LTBP3: variants seen among roughly 807,000 people sequenced by gnomAD.
The protein encoded by LTBP3 is latent transforming growth factor beta binding protein 3, also known as latent-transforming growth factor beta-binding protein 3.
LTBP3 carries 97 observed loss-of-function variants against 159.7 expected under a neutral mutation model. The ratio of observed to expected loss-of-function variants is 0.61; its 90% CI spans 0.52 to 0.72. The LOEUF (loss-of-function observed/expected upper bound fraction) is 0.72. LTBP3 is among the 30% of genes least tolerant of loss of function. LTBP3 has a pLI of 0.00. For missense variants in LTBP3, 1,584 were observed against 1,864.3 expected (o/e 0.85, Z 2.77); for synonymous variants, 824 against 777.1 (o/e 1.06, Z -1.00).
At position 65,558,275 on chromosome 11, in the gene LTBP3, C is replaced by T. The variant is rs1344060275; in HGVS notation, c.-316G>A. The T allele has an allele frequency of 1.0e-6, 1 of 962,080 alleles. No individual in the cohort carries two copies. Among genetic ancestry groups the T allele is most frequent in the East Asian group, 5.8e-5 (1 of 17,200 alleles). 59.6% of individuals were successfully genotyped at this position (962,080 alleles called of 1,614,324 possible). A position where few individuals can be genotyped will look rare whatever the true frequency, so the allele number is the denominator to read the frequency against. On this transcript the variant is annotated 5_prime_UTR_variant, in exon 1 of 28. Transcript: ENST00000301873. The stretch of plus-strand genomic sequence containing the variant: ...AGGGAGAGGAAGGCCGGGCGGCCGG[C>T]CCGCTCCGCGCCTCCCCCTGGCCGG...
At position 65,538,589 on chromosome 11, in the gene LTBP3, G is replaced by A; in HGVS notation, c.*491C>T. 1 of 1,602,992 alleles carries A rather than the reference G, an allele frequency of 6.2e-7. No homozygotes were observed. The highest frequency in any genetic ancestry group is 8.5e-7 in the Non-Finnish European group (1 of 1,175,080). On this transcript the variant is annotated 3_prime_UTR_variant, in exon 28 of 28. Transcript: ENST00000301873. ...TGAACCGTGGCGGTGGCCCTTCCCGGCTGCGGAGAGCCCGCCCCACAGATG... is the reference window on the plus strand; with the variant it reads ...TGAACCGTGGCGGTGGCCCTTCCCGACTGCGGAGAGCCCGCCCCACAGATG...
At chr11:65,541,099 T>A in intron 20 of LTBP3, 27 bp downstream of exon 20, 1 of 1,606,428 alleles carries the variant, frequency 6.2e-7, no homozygotes, top group Non-Finnish European at 8.5e-7. Context: ...ACTGAAGATC[T>A]GGGAAGGGGC....
At position 65,539,218 on chromosome 11, in the gene LTBP3, G is replaced by A. The variant is rs1335085112; in HGVS notation, c.3774C>T (p.Cys1258=). 39 of 1,526,588 alleles carry A rather than the reference G, an allele frequency of 2.6e-5. No individual in the cohort carries two copies. The highest frequency in any genetic ancestry group is 9.8e-5 in the African/African-American group (7 of 71,378). The allele number at this position is 1,526,588 out of a possible 1,614,324, so 94.6% of individuals were successfully genotyped here. A position where few individuals can be genotyped will look rare whatever the true frequency, so the allele number is the denominator to read the frequency against. ...GCAGCCCGCGCTGGTTCAGCTCTCGGCACTCGTCGATATCTGAAGGTGAGG... is the reference window on the plus strand; with the variant it reads ...GCAGCCCGCGCTGGTTCAGCTCTCGACACTCGTCGATATCTGAAGGTGAGG... The part of the protein sequence containing the change: ...SRARCVDIDE[C]RELNQRGLLC... The change falls in exon 28 of 28, where the codon TGC becomes TGT. Residue 1258 remains cysteine, a synonymous_variant. Coordinates refer to ENST00000301873, the MANE Select transcript of LTBP3 (RefSeq NM_001130144.3).
chr11:65,548,755 T>G (rs998525107), intron 11 of LTBP3: 1 of 154,882 alleles, frequency 6.5e-6, no homozygotes, highest in Non-Finnish European at 1.4e-5. Flanking sequence ...TGAACTCTGC[T>G]CTGCCCCAAA....
At chr11:65,542,021 G>GC (rs1444162806) in intron 18 of LTBP3, 1 of 396,812 alleles carries the variant, frequency 2.5e-6, no homozygotes, top group African/African-American at 2.1e-5. Flanking sequence ...GTCTCATCAC[G>GC]CCTTACTCTA....
Position 65,546,719 on chromosome 11 carries a change from C to A in LTBP3, c.2230+79G>T. 1 of 1,530,618 alleles carries A rather than the reference C, an allele frequency of 6.5e-7. No homozygotes were observed. The highest frequency in any genetic ancestry group is 8.8e-7 in the Non-Finnish European group (1 of 1,138,144). The allele number at this position is 1,530,618 out of a possible 1,614,324, so 94.8% of individuals were successfully genotyped here. On this transcript the variant is annotated intron_variant, in intron 15 of 27. Coordinates refer to ENST00000301873, the MANE Select transcript of LTBP3 (RefSeq NM_001130144.3). This position sits in a 1 kb window ranked among gnomAD's most constrained non-coding sequence, Gnocchi z 4.0. ...CCCAGACGCCAATCACCACCGCTAC[C>A]CCGCCCCGCCCCCAGCGGAGCCAGA...
In LTBP3 at chr11:65,553,599, T is replaced by C; in HGVS notation, c.865-69A>G. 6.7e-7 allele frequency: 1 copy of C among 1,498,950 alleles called. No homozygotes were observed. Among genetic ancestry groups the C allele is most frequent in the Non-Finnish European group, 9.1e-7 (1 of 1,095,562 alleles). 92.9% of individuals were successfully genotyped at this position (1,498,950 alleles called of 1,614,324 possible). On this transcript the variant is annotated intron_variant, in intron 3 of 27. Transcript: ENST00000301873. This position sits in a 1 kb window ranked among gnomAD's most constrained non-coding sequence, Gnocchi z 6.5. ...CGGTGCCGCCTGTTAGGGTTGGGCC[T>C]TTTCCTCTTCCCCCGCCCCTCAGTT...
In LTBP3 at chr11:65,547,875, TCCCC is replaced by T. The variant is rs528861640; in HGVS notation, c.1846+41_1846+44del. 3 of 1,610,810 alleles carry T rather than the reference TCCCC, an allele frequency of 1.9e-6. No individual in the cohort carries two copies. Among genetic ancestry groups the T allele is most frequent in the East Asian group, 4.5e-5 (2 of 44,750 alleles). On this transcript the variant is annotated intron_variant, in intron 12 of 27. Transcript: ENST00000301873. This position sits in a 1 kb window ranked among gnomAD's most constrained non-coding sequence, Gnocchi z 4.6. ...TCAAAGGAAGCGTCGTTATCTGGGG[TCCCC>T]CCCCACCCACCTGCATGCCCGCCGC...
intron 8 of LTBP3, 33 bp from the exon 9 acceptor site, chr11:65,551,597 T>TG: frequency 6.2e-7 from 1 of 1,613,602 alleles, no homozygotes; most frequent in Non-Finnish European, 8.5e-7. Context: ...CATGAAGTGT[T>TG]GGGGCGGGAG....
chr11:65,554,144 C>A lies in LTBP3; in HGVS notation c.568G>T (p.Val190Leu). Residue 190 changes from valine (V) to leucine (L), a missense_variant, in exon 2 of 28, where the codon GTG becomes TTG. Val to Leu is a conservative substitution (Grantham distance 32, BLOSUM62 1). Transcript: ENST00000301873. The surrounding 1 kb of genome is among the most constrained non-coding windows in gnomAD (Gnocchi z 5.3). ...ASKHAIYAVQ[V>L]IADPPGPGEG... ...CCGGGCCCAGGAGGGTCAGCGATCA[C>A]CTGGACGGCGTAGATGGCGTGCTTG... 6.2e-7 allele frequency: 1 copy of A among 1,612,052 alleles called. No individual in the cohort carries two copies. Among genetic ancestry groups the A allele is most frequent in the Non-Finnish European group, 8.5e-7 (1 of 1,179,616 alleles).
intron 1 of LTBP3, among the ~76,000 whole-genome samples, chr11:65,555,143 C>T (rs1327470337): frequency 6.6e-6 from 1 of 152,172 alleles, no homozygotes; most frequent in Non-Finnish European, 1.5e-5. Context: ...TCCCCTCCTC[C>T]CTAGGGCCAC....
rs1329998115 is a variant in LTBP3, at chr11:65,538,666, C to T, written c.*414G>A. The T allele has an allele frequency of 3.0e-6, 4 of 1,354,800 alleles. No individual in the cohort carries two copies. The highest frequency in any genetic ancestry group is 2.3e-5 in the Admixed American group (1 of 43,374). The allele number at this position is 1,354,800 out of a possible 1,614,324, so 83.9% of individuals were successfully genotyped here. A position where few individuals can be genotyped will look rare whatever the true frequency, so the allele number is the denominator to read the frequency against. The stretch of plus-strand genomic sequence containing the variant: ...CGGCCGGCCCAGCCAGGCCATCTCA[C>T]GTGTACATAATCAGAGCCACAATAA... On this transcript the variant is annotated 3_prime_UTR_variant, in exon 28 of 28. Coordinates refer to ENST00000301873, the MANE Select transcript of LTBP3 (RefSeq NM_001130144.3).
At position 65,553,832 on chromosome 11, in the gene LTBP3, T is replaced by A; in HGVS notation, c.733A>T (p.Ile245Phe). Reference protein sequence around the residue: ...PPEASVQVHRIESSNAESAAP... With the variant: ...PPEASVQVHRFESSNAESAAP... ...GCGCTCTCGGCGTTCGAGCTCTCAATGCGGTGCACCTGGACTGAGGCCTCG... is the reference window on the plus strand; with the variant it reads ...GCGCTCTCGGCGTTCGAGCTCTCAAAGCGGTGCACCTGGACTGAGGCCTCG... Residue 245 changes from isoleucine (I) to phenylalanine (F), a missense_variant, in exon 3 of 28, where the codon ATT becomes TTT. Physicochemically the swap from Ile to Phe is conservative, Grantham distance 21. Transcript: ENST00000301873. This position sits in a 1 kb window ranked among gnomAD's most constrained non-coding sequence, Gnocchi z 6.5. The A allele has an allele frequency of 6.4e-7, 1 of 1,561,890 alleles. No individual in the cohort carries two copies. The highest frequency in any genetic ancestry group is 8.6e-7 in the Non-Finnish European group (1 of 1,161,592).
intron 8 of LTBP3, 146 bp from the exon 9 acceptor site, chr11:65,551,710 G>A: frequency 1.8e-6 from 2 of 1,096,992 alleles, no homozygotes; most frequent in Admixed American, 1.9e-5. Flanking sequence ...TAGATTCTGG[G>A]GTTAGGGTGT....
Position 65,546,536 on chromosome 11 carries a change from G to C in LTBP3, c.2259C>G (p.Pro753=), listed in dbSNP as rs1466180648. 1 of 1,602,306 alleles carries C rather than the reference G, an allele frequency of 6.2e-7. No individual in the cohort carries two copies. The highest frequency in any genetic ancestry group is 8.5e-7 in the Non-Finnish European group (1 of 1,179,416). ...GGTTCTCGCACCAGCCAGGCGAGCA[G>C]GGGCTGCCCTCGGCGCACTCGTTCA... The part of the protein sequence containing the change: ...RDVNECAEGS[P]CSPGWCENLP... Residue 753 remains proline (P), a synonymous_variant, in exon 16 of 28, where the codon CCC becomes CCG. Coordinates refer to ENST00000301873, the MANE Select transcript of LTBP3 (RefSeq NM_001130144.3). The surrounding 1 kb of genome is among the most constrained non-coding windows in gnomAD (Gnocchi z 4.0).
chr11:65,558,215 G>C lies in LTBP3; in HGVS notation c.-256C>G. The C allele has an allele frequency of 1.0e-5, 11 of 1,055,042 alleles. No homozygotes were observed. The highest frequency in any genetic ancestry group is 1.3e-5 in the Non-Finnish European group (11 of 873,250). The allele number at this position is 1,055,042 out of a possible 1,614,324, so 65.4% of individuals were successfully genotyped here. A position where few individuals can be genotyped will look rare whatever the true frequency, so the allele number is the denominator to read the frequency against. On this transcript the variant is annotated 5_prime_UTR_variant, in exon 1 of 28. Coordinates refer to ENST00000301873, the MANE Select transcript of LTBP3 (RefSeq NM_001130144.3). Reference sequence around the variant, plus strand: ...GGCCCCGAACTCAGGCAGGAGCGAGGAGGCCGGAGCAAGTTGAGGCGGAGA... The same window carrying C: ...GGCCCCGAACTCAGGCAGGAGCGAGCAGGCCGGAGCAAGTTGAGGCGGAGA...
chr11:65,545,223 T>A, intron 16 of LTBP3: 165 of 163,616 alleles, frequency 1.0e-3, no homozygotes, highest in Non-Finnish European at 1.6e-3. Context: ...TCCCCCACCA[T>A]CTCCTCCAAC....
At position 65,546,634 on chromosome 11, in the gene LTBP3, G is replaced by A; in HGVS notation, c.2231-70C>T. 1 of 1,591,624 alleles carries A rather than the reference G, an allele frequency of 6.3e-7. No individual in the cohort carries two copies. Among genetic ancestry groups the A allele is most frequent in the South Asian group, 1.1e-5 (1 of 90,178 alleles). Reference sequence around the variant, plus strand: ...CGGACCGCGCACCTCGCGGGGGTGTGGGTCTCTTCCCTGGAACGCGGGGTT... The same window carrying A: ...CGGACCGCGCACCTCGCGGGGGTGTAGGTCTCTTCCCTGGAACGCGGGGTT... On this transcript the variant is annotated intron_variant, in intron 15 of 27. Coordinates refer to ENST00000301873, the MANE Select transcript of LTBP3 (RefSeq NM_001130144.3). The surrounding 1 kb of genome is among the most constrained non-coding windows in gnomAD (Gnocchi z 4.0).
rs1856063484 is a variant in LTBP3 at position 65,540,541 on chromosome 11, G to A, written c.3051C>T (p.Tyr1017=). Residue 1017 remains tyrosine, a synonymous_variant, in exon 22 of 28, where the codon TAC becomes TAT. Coordinates refer to ENST00000301873, the MANE Select transcript of LTBP3 (RefSeq NM_001130144.3). ...AGAAGCCCTGCTTGCAGTAGCACTCGTAGCCAGGCTGCGTGTTCACGCACT... is the reference window on the plus strand; with the variant it reads ...AGAAGCCCTGCTTGCAGTAGCACTCATAGCCAGGCTGCGTGTTCACGCACT... ...EGKCVNTQPG[Y]ECYCKQGFYY... is the part of the protein sequence containing the mutation. 5.6e-6 allele frequency: 9 copies of A among 1,613,764 alleles called. No homozygotes were observed. Among genetic ancestry groups the A allele is most frequent in the Middle Eastern group, 1.6e-4 (1 of 6,084 alleles).
Sources: gnomAD v4.1 joint callset for allele counts (sites outside exome capture counted in the v4.1 genomes callset) on GRCh38, gnomAD v4.1.1 for gene constraint, Gnocchi (gnomAD v3.1) non-coding constraint, MANE v1.5 for transcripts, NCBI Gene and HGNC (gene_info 2026-07-23, HGNC 2026-07-21) for gene names.